The following LPIN1 variants were observed in gnomAD, a reference collection of about 807,000 sequenced individuals.
LPIN1 encodes phosphatidate phosphatase LPIN1.
In LPIN1, 71 loss-of-function variants were observed where a neutral mutation model predicts 107.5. The observed-to-expected ratio is 0.66, with a 90% CI of 0.55 to 0.80. The LOEUF (loss-of-function observed/expected upper bound fraction) is 0.80. Among genes scored for constraint, LPIN1 ranks in the 30% least tolerant of loss-of-function variants. The pLI is 0.00. For synonymous variants in LPIN1, 445 were observed against 452.6 expected (o/e 0.98, Z 0.21); for missense variants, 1,043 against 1,160.6 (o/e 0.90, Z 1.47).
chr2:11,686,993 C>CTTTT (rs141927239), intron 1 of LPIN1, among the ~76,000 whole-genome samples: 23 of 85,140 alleles, frequency 2.7e-4, no homozygotes, highest in Non-Finnish European at 3.7e-4. Flanking sequence ...GCTTTTGATC[C>CTTTT]TTTTTTTTTT....
chr2:11,772,224 C>T (rs917752108), intron 4 of LPIN1, among the ~76,000 whole-genome samples: 2 of 152,204 alleles, frequency 1.3e-5, no homozygotes, highest in African/African-American at 4.8e-5. Flanking sequence ...TGCCAGCTTG[C>T]CCGCCGCTCA....
At chr2:11,695,257 C>T (rs1021608787) in intron 1 of LPIN1, among the ~76,000 whole-genome samples, 1 of 152,200 alleles carries the variant, frequency 6.6e-6, no homozygotes, top group African/African-American at 2.4e-5. Context: ...AATGATAGAA[C>T]ATGCCCAAGG....
rs745415677 is a variant in LPIN1 at position 11,786,930 on chromosome 2, A to G, written c.1550-144A>G. The G allele has an allele frequency of 5.7e-6, 4 of 703,260 alleles. No homozygotes were observed. The highest frequency in any genetic ancestry group is 1.0e-5 in the Non-Finnish European group (4 of 385,554). The allele number at this position is 703,260 out of a possible 1,614,324, so 43.6% of individuals were successfully genotyped here. On this transcript the variant is annotated intron_variant, in intron 10 of 20. Coordinates refer to ENST00000674199, the MANE Select transcript of LPIN1 (RefSeq NM_001349206.2). The surrounding 1 kb of genome is among the most constrained non-coding windows in gnomAD (Gnocchi z 4.1). ...CCAGGTAAAATGGTGCGGCCTTTAC[A>G]AATACATTTTATAGGATTGTCTGCA...
chr2:11,790,327 T>C (rs1675497591), intron 12 of LPIN1, among the ~76,000 whole-genome samples: 3 of 152,236 alleles, frequency 2.0e-5, no homozygotes, highest in Non-Finnish European at 2.9e-5. Context: ...TTAGCTTCTT[T>C]GTGATTTTCT....
At chr2:11,806,545 A>G (rs533445456) in intron 17 of LPIN1, among the ~76,000 whole-genome samples, 2 of 152,300 alleles carry the variant, frequency 1.3e-5, no homozygotes, top group South Asian at 4.1e-4. Flanking sequence ...AGCCTGGGCA[A>G]CATAGTGAGA....
chr2:11,795,173 C>A (rs767847802), intron 13 of LPIN1, among the ~76,000 whole-genome samples: 1 of 152,180 alleles, frequency 6.6e-6, no homozygotes, highest in African/African-American at 2.4e-5. Context: ...ATAACAGATT[C>A]GTTTCTGTCA....
chr2:11,745,099 AG>A (rs1666764738), upstream of LPIN1: 1 of 152,262 alleles, frequency 6.6e-6, no homozygotes, highest in Non-Finnish European at 1.5e-5. Flanking sequence ...GCTGTTTCTA[AG>A]CTGGCCTCCT....
chr2:11,713,801 T>C, exon 2 of LPIN1: 1 of 1,522,982 alleles, frequency 6.6e-7, no homozygotes, highest in Non-Finnish European at 8.8e-7. Context: ...TGTATGGTCT[T>C]CAAACATTAA....
In LPIN1 at chr2:11,819,546, T is replaced by C; in HGVS notation, c.2465T>C (p.Leu822Pro). 6.2e-7 allele frequency: 1 copy of C among 1,614,152 alleles called. No homozygotes were observed. The highest frequency in any genetic ancestry group is 2.2e-5 in the East Asian group (1 of 44,886). The change falls in exon 19 of 21, where the codon CTG (leucine) becomes CCG (proline). Residue 822 changes from leucine to proline, a missense_variant. Transcript: ENST00000674199. ...KVQCLTDIKN[L>P]FFPNTEPFYA... ...CAGTGTTTGACAGACATCAAAAACC[T>C]GTTTTTCCCCAACACAGAACCCTTT...
intron 20 of LPIN1, among the ~76,000 whole-genome samples, chr2:11,824,174 C>A (rs903719685): frequency 3.9e-5 from 6 of 152,022 alleles, no homozygotes; most frequent in African/African-American, 1.4e-4. Flanking sequence ...AATGGCAGAG[C>A]TGAACATCAA....
At chr2:11,746,853 G>T (rs921998131) in intron 1 of LPIN1, among the ~76,000 whole-genome samples, 182 bp downstream of exon 1, 3 of 152,084 alleles carry the variant, frequency 2.0e-5, no homozygotes, top group Non-Finnish European at 2.9e-5. Context: ...TGGTTCGGGG[G>T]AGGGAGGCGG....
chr2:11,687,175 T>A (rs184093297), intron 1 of LPIN1, among the ~76,000 whole-genome samples: 1 of 152,114 alleles, frequency 6.6e-6, no homozygotes, highest in East Asian at 1.9e-4. Flanking sequence ...GTTTTAATTT[T>A]TTTGTAGAAA....
At chr2:11,805,962 G>C (rs915653344) in intron 17 of LPIN1, among the ~76,000 whole-genome samples, 2 of 152,098 alleles carry the variant, frequency 1.3e-5, no homozygotes, top group Non-Finnish European at 2.9e-5. Context: ...GCCTCCTCCA[G>C]CCTTTTGTGG....
At chr2:11,698,034 C>T (rs1476991257) in intron 1 of LPIN1, among the ~76,000 whole-genome samples, 3 of 152,204 alleles carry the variant, frequency 2.0e-5, no homozygotes, top group South Asian at 2.1e-4. Flanking sequence ...GCTGTGTTGT[C>T]GTTTCTGTCA....
intron 1 of LPIN1, among the ~76,000 whole-genome samples, chr2:11,688,622 C>T (rs572878993): frequency 6.6e-6 from 1 of 152,294 alleles, no homozygotes; most frequent in African/African-American, 2.4e-5. Flanking sequence ...CGCTGAGACC[C>T]GGGACAGGAC....
At position 11,804,511 on chromosome 2, in the gene LPIN1, T is replaced by G. The variant is rs144054506; in HGVS notation, c.2102T>G (p.Ile701Ser). 3.7e-6 allele frequency: 6 copies of G among 1,614,066 alleles called. No individual in the cohort carries two copies. In the African/African-American group the frequency reaches 8.0e-5, roughly 22 times the overall value. Residue 701 changes from isoleucine to serine, a missense_variant, in exon 16 of 21, where the codon ATC (isoleucine) becomes AGC (serine). Ile to Ser is a moderately radical substitution (Grantham distance 142, BLOSUM62 -2). Coordinates refer to ENST00000674199, the MANE Select transcript of LPIN1 (RefSeq NM_001349206.2). ...GGCACGTGCCGCTGTGAGGGCACCA[T>G]CTATCTGTGGAACTGGGATGATAAA... ...YQGTCRCEGT[I>S]YLWNWDDKVI...
intron 1 of LPIN1, among the ~76,000 whole-genome samples, chr2:11,729,320 A>G (rs1664966272): frequency 6.8e-6 from 1 of 147,550 alleles, no homozygotes; most frequent in South Asian, 2.2e-4. Flanking sequence ...AAAATTTTAA[A>G]GAAGTGGAAA....
rs147671844 is a variant in LPIN1 at position 11,772,190 on chromosome 2, C to T, written c.596+511C>T. ...AGGTGGTAATGTGAGGGATGGGGAG[C>T]GACTGCAAACACAGATGAAGCTTTG... On this transcript the variant is annotated intron_variant, in intron 4 of 20. Transcript: ENST00000674199. Among the ~76,000 whole-genome samples the T allele has an allele frequency of 1.8e-3, 268 of 152,328 alleles. 1 individual carries two copies. The highest frequency in any genetic ancestry group is 5.6e-3 in the African/African-American group (232 of 41,564).
intron 4 of LPIN1, among the ~76,000 whole-genome samples, chr2:11,772,857 G>T (rs575368804): frequency 6.6e-6 from 1 of 152,174 alleles, no homozygotes; most frequent in Non-Finnish European, 1.5e-5. Context: ...TCATTATTTG[G>T]AATAAAATAT....
Sources: allele counts gnomAD v4.1 joint callset (sites outside exome capture counted in the v4.1 genomes callset), GRCh38; gene constraint gnomAD v4.1.1; non-coding constraint Gnocchi (gnomAD v3.1); transcripts MANE v1.5; gene names NCBI Gene and HGNC (gene_info 2026-07-23, HGNC 2026-07-21).